The following WRNIP1 variants were observed in gnomAD, a reference collection of about 807,000 sequenced individuals.
WRNIP1 encodes the protein WRN helicase interacting protein 1.
In WRNIP1, 41 loss-of-function variants were observed where a neutral mutation model predicts 56.1. The observed-to-expected ratio is 0.73, with a 90% CI of 0.57 to 0.95. The LOEUF is 0.95. Among genes scored for constraint, WRNIP1 ranks in the 40% least tolerant of loss-of-function variants. The pLI is 0.00. For missense variants in WRNIP1, 1,170 were observed against 939.4 expected (o/e 1.25, Z -3.21); for synonymous variants, 547 against 398.1 (o/e 1.37, Z -4.45).
At chr6:2,769,012 T>C in intron 2 of WRNIP1, 130 bp downstream of exon 2, 1 of 831,284 alleles carries the variant, frequency 1.2e-6, no homozygotes, top group Non-Finnish European at 1.8e-6. Context: ...TGAACCCATC[T>C]CCTTCAAGCC....
At chr6:2,781,736 TGGAA>T (rs1765565500) in intron 4 of WRNIP1, among the ~76,000 whole-genome samples, 1 of 152,222 alleles carries the variant, frequency 6.6e-6, no homozygotes, top group Non-Finnish European at 1.5e-5. Flanking sequence ...AAAGCAAACA[TGGAA>T]GGTAGCATAG....
chr6:2,784,920 T>TTACCTAGAGC, intron 6 of WRNIP1, 87 bp from the exon 7 acceptor site: 1 of 1,501,886 alleles, frequency 6.7e-7, no homozygotes, highest in Non-Finnish European at 9.0e-7. Context: ...CTTCTCAGAA[T>TTACCTAGAGC]TACCTAGAGC....
chr6:2,774,424 G>A, intron 3 of WRNIP1: 2 of 305,502 alleles, frequency 6.5e-6, no homozygotes, highest in Non-Finnish European at 9.6e-6. Flanking sequence ...GCATTCCTTG[G>A]CTTATGACTA....
At chr6:2,768,616 G>A (rs1765134693) in intron 1 of WRNIP1, 75 bp from the exon 2 acceptor site, 2 of 1,308,902 alleles carry the variant, frequency 1.5e-6, no homozygotes, top group Non-Finnish European at 1.0e-6. Flanking sequence ...GATGCTGCGT[G>A]TGGTGGTTCC....
At chr6:2,767,029 A>G (rs1025621414) in intron 1 of WRNIP1, among the ~76,000 whole-genome samples, 15 of 152,366 alleles carry the variant, frequency 9.8e-5, no homozygotes, top group African/African-American at 2.9e-4. Context: ...CAAAACTAAC[A>G]TAAAAACTTT....
intron 1 of WRNIP1, 72 bp from the exon 2 acceptor site, chr6:2,768,619 G>A: frequency 7.5e-7 from 1 of 1,339,632 alleles, no homozygotes; most frequent in African/African-American, 1.5e-5. Context: ...GCTGCGTGTG[G>A]TGGTTCCCAT....
intron 3 of WRNIP1, among the ~76,000 whole-genome samples, chr6:2,774,535 AT>A (rs1765387799): frequency 6.6e-6 from 1 of 152,106 alleles, no homozygotes; most frequent in Admixed American, 6.6e-5. Flanking sequence ...TTGTCATTGG[AT>A]TTAAGGTACA....
intron 4 of WRNIP1, among the ~76,000 whole-genome samples, chr6:2,782,869 T>C (rs1289625352): frequency 2.0e-5 from 3 of 152,150 alleles, no homozygotes; most frequent in Non-Finnish European, 4.4e-5. Context: ...GCCACACAGG[T>C]GTCCCCACAC....
At position 2,779,422 on chromosome 6, in the gene WRNIP1, T is replaced by C. The variant is rs1456100737; in HGVS notation, c.1416T>C (p.Ser472=). The C allele has an allele frequency of 1.9e-6, 3 of 1,614,152 alleles. No individual in the cohort carries two copies. The highest frequency in any genetic ancestry group is 1.7e-6 in the Non-Finnish European group (2 of 1,180,012). Residue 472 remains serine, a synonymous_variant, in exon 4 of 7, where the codon AGT becomes AGC. Transcript: ENST00000380773. ...AGAGTGGGCAATCCTATTCTCCCAG[T>C]AGAGTTCTGATCACAGAGAATGACG... ...CKKSGQSYSP[S]RVLITENDVK...
Position 2,765,812 on chromosome 6 carries a change from C to A in WRNIP1, c.190C>A (p.Pro64Thr). 7.4e-7 allele frequency: 1 copy of A among 1,354,678 alleles called. No individual in the cohort carries two copies. The highest frequency in any genetic ancestry group is 1.8e-5 in the South Asian group (1 of 55,580). The allele number at this position is 1,354,678 out of a possible 1,614,324, so 83.9% of individuals were successfully genotyped here. ...CCGCGCCGGGGAGCGGGCCAAGGGG[C>A]CCTCGCCGCCCGGCGCCAAGAGGCG... Reference protein sequence around the residue: ...SHRAGERAKGPSPPGAKRRRL... With the variant: ...SHRAGERAKGTSPPGAKRRRL... Residue 64 changes from proline (P) to threonine (T), a missense_variant, in exon 1 of 7, where the codon CCC (proline) becomes ACC (threonine). Coordinates refer to ENST00000380773, the MANE Select transcript of WRNIP1 (RefSeq NM_020135.3).
At position 2,765,656 on chromosome 6, in the gene WRNIP1, C is replaced by G. The variant is rs776806803; in HGVS notation, c.34C>G (p.Leu12Val). The G allele has an allele frequency of 6.5e-7, 1 of 1,546,982 alleles. No homozygotes were observed. Among genetic ancestry groups the G allele is most frequent in the Non-Finnish European group, 8.7e-7 (1 of 1,155,090 alleles). Residue 12 changes from leucine to valine, a missense_variant, in exon 1 of 7, where the codon CTT becomes GTT. Leu to Val is a conservative substitution (Grantham distance 32). Transcript: ENST00000380773. ...EVSGPEDDPFLSQLHQVQCPV... is the reference protein window; with the variant it reads ...EVSGPEDDPFVSQLHQVQCPV... Reference sequence around the variant, plus strand: ...GAGCGGGCCGGAAGACGACCCCTTCCTTTCGCAGCTGCACCAGGTGCAGTG... The same window carrying G: ...GAGCGGGCCGGAAGACGACCCCTTCGTTTCGCAGCTGCACCAGGTGCAGTG...
Position 2,765,591 on chromosome 6 carries a change from C to CGCGCCGG in WRNIP1, c.-23_-17dup, listed in dbSNP as rs1561902388. 16 of 1,467,218 alleles carry CGCGCCGG rather than the reference C, an allele frequency of 1.1e-5. No individual in the cohort carries two copies. Among genetic ancestry groups the CGCGCCGG allele is most frequent in the African/African-American group, 1.5e-5 (1 of 67,940 alleles). The allele number at this position is 1,467,218 out of a possible 1,614,324, so 90.9% of individuals were successfully genotyped here. On this transcript the variant is annotated 5_prime_UTR_variant, in exon 1 of 7. Coordinates refer to ENST00000380773, the MANE Select transcript of WRNIP1 (RefSeq NM_020135.3). ...CCGCGTGCGCACGGGTTGCTGCGGC[C>CGCGCCGG]GCGCCGGGCGCCGGGGAGGGCGGCG...
chr6:2,772,363 A>G (rs1765318703), intron 3 of WRNIP1, among the ~76,000 whole-genome samples: 1 of 152,080 alleles, frequency 6.6e-6, no homozygotes, highest in African/African-American at 2.4e-5. Context: ...TCCCAATTAT[A>G]TTTGCTATCT....
Position 2,785,168 on chromosome 6 carries a change from T to C in WRNIP1, c.1884T>C (p.Asp628=). 1 of 1,614,148 alleles carries C rather than the reference T, an allele frequency of 6.2e-7. No homozygotes were observed. The highest frequency in any genetic ancestry group is 2.2e-5 in the East Asian group (1 of 44,886). Reference sequence around the variant, plus strand: ...ACGCGCCCACTAGGCTGATGAAGGATTTGGGCTATGGCAAAGGCTACAAGT... The same window carrying C: ...ACGCGCCCACTAGGCTGATGAAGGACTTGGGCTATGGCAAAGGCTACAAGT... The part of the protein sequence containing the change: ...LRNAPTRLMK[D]LGYGKGYKYN... The change falls in exon 7 of 7, where the codon GAT becomes GAC. Residue 628 remains aspartate, a synonymous_variant. Transcript: ENST00000380773.
intron 4 of WRNIP1, among the ~76,000 whole-genome samples, chr6:2,779,841 G>C (rs887551794): frequency 2.0e-5 from 3 of 152,162 alleles, no homozygotes; most frequent in African/African-American, 7.2e-5. Context: ...TATGTTTTGT[G>C]ATCATTTACA....
At position 2,784,387 on chromosome 6, in the gene WRNIP1, G is replaced by A. The variant is rs1452373090; in HGVS notation, c.1706G>A (p.Gly569Asp). 2 of 1,614,060 alleles carry A rather than the reference G, an allele frequency of 1.2e-6. No individual in the cohort carries two copies. Among genetic ancestry groups the A allele is most frequent in the Non-Finnish European group, 8.5e-7 (1 of 1,179,932 alleles). Residue 569 changes from glycine to aspartate, a missense_variant, in exon 6 of 7, where the codon GGC becomes GAC. Coordinates refer to ENST00000380773, the MANE Select transcript of WRNIP1 (RefSeq NM_020135.3). ...GCCTACCAAGGCTGTCATTTTATAG[G>A]CATGCCTGAATGTGAGGTAAAGTAA... ...VAAYQGCHFI[G>D]MPECEVLLAQ...
At chr6:2,772,170 C>T (rs943161599) in intron 3 of WRNIP1, among the ~76,000 whole-genome samples, 2 of 152,168 alleles carry the variant, frequency 1.3e-5, no homozygotes, top group Non-Finnish European at 2.9e-5. Context: ...TATTAAAAAT[C>T]CTCAGGTGAT....
At chr6:2,767,850 G>T (rs1765093569) in intron 1 of WRNIP1, among the ~76,000 whole-genome samples, 1 of 152,196 alleles carries the variant, frequency 6.6e-6, no homozygotes, top group East Asian at 1.9e-4. Flanking sequence ...AGGCATCTGT[G>T]ACTTGCGAGC....
chr6:2,779,532 A>G, intron 4 of WRNIP1, 40 bp downstream of exon 4: 4 of 1,578,874 alleles, frequency 2.5e-6, no homozygotes, highest in Non-Finnish European at 3.4e-6. Context: ...ACCATACGGA[A>G]AGAAGTGTGT....
Sources: allele counts gnomAD v4.1 joint callset (sites outside exome capture counted in the v4.1 genomes callset), GRCh38; gene constraint gnomAD v4.1.1; transcripts MANE v1.5; gene names NCBI Gene and HGNC (gene_info 2026-07-23, HGNC 2026-07-21).